The following ZNF462 variants were observed in gnomAD, a reference collection of about 807,000 sequenced individuals.
ZNF462 encodes the protein zinc finger PBX1-interacting protein.
Under a neutral mutation model 201.9 loss-of-function variants are expected in ZNF462, and 10 were observed. That is an observed-to-expected ratio of 0.05 (90% CI 0.03 to 0.08). The LOEUF is 0.08. Among genes scored for constraint, ZNF462 ranks in the 10% least tolerant of loss-of-function variants. The pLI, the probability that ZNF462 is intolerant of heterozygous loss-of-function variation, is 1.00. For missense variants in ZNF462, 2,523 were observed against 3,168.3 expected, an observed-to-expected ratio of 0.80 and a Z score of 4.89; for synonymous variants, 1,227 against 1,193.3, an observed-to-expected ratio of 1.03 and a Z score of -0.58.
chr9:106,879,343 C>A (rs907329520), intron 1 of ZNF462, among the ~76,000 whole-genome samples: 19 of 116,506 alleles, frequency 1.6e-4, no homozygotes, highest in Admixed American at 3.8e-4. Flanking sequence ...CCCCCCCCCC[C>A]ACCCCCCACC....
chr9:106,864,039 G>GCTCTCTCTCT (rs773917122), intron 1 of ZNF462, among the ~76,000 whole-genome samples: 5 of 22,750 alleles, frequency 2.2e-4, no homozygotes, highest in Non-Finnish European at 5.1e-4. Flanking sequence ...CAGGTATTTG[G>GCTCTCTCTCT]CTCTCTCTCT....
intron 7 of ZNF462, among the ~76,000 whole-genome samples, chr9:106,967,139 T>C (rs1270827487): frequency 6.6e-6 from 1 of 152,152 alleles, no homozygotes; most frequent in African/African-American, 2.4e-5. Flanking sequence ...GCCTCTTTTA[T>C]TCCTTCAATC....
rs1026426261 is a variant in ZNF462, at chr9:106,876,468, G to A, written c.-31+13113G>A. Among the ~76,000 whole-genome samples, 18 of 152,256 alleles carry A rather than the reference G, an allele frequency of 1.2e-4. No individual in the cohort carries two copies. Among genetic ancestry groups the A allele is most frequent in the Admixed American group, 9.2e-4 (14 of 15,298 alleles). On this transcript the variant is annotated intron_variant, in intron 1 of 12. Coordinates refer to ENST00000277225, the MANE Select transcript of ZNF462 (RefSeq NM_021224.6). This position sits in a 1 kb window ranked among gnomAD's most constrained non-coding sequence, Gnocchi z 4.9. ...AATCCTGCTTGTTTAATTTTGTGCT[G>A]TGTGTCCCTTTACTGATGAGTAGTC... is the stretch of plus-strand genomic sequence containing the variant.
rs1831910045 is a variant in ZNF462 at position 106,962,978 on chromosome 9, GC to G, written c.6428-9025del. 6.6e-6 allele frequency among the ~76,000 whole-genome samples: 1 copy of G among 152,004 alleles called. No homozygotes were observed. Among genetic ancestry groups the G allele is most frequent in the Non-Finnish European group, 1.5e-5 (1 of 67,968 alleles). The stretch of plus-strand genomic sequence containing the variant: ...AAGAAGGAAATAAAATAATGTGACT[GC>G]CTTTAGAGGCGTATGTTCCCCCTTA... On this transcript the variant is annotated intron_variant, in intron 7 of 12. Coordinates refer to ENST00000277225, the MANE Select transcript of ZNF462 (RefSeq NM_021224.6). The surrounding 1 kb of genome is among the most constrained non-coding windows in gnomAD (Gnocchi z 4.6).
At chr9:106,965,624 G>A (rs1832039108) in intron 7 of ZNF462, among the ~76,000 whole-genome samples, 1 of 152,032 alleles carries the variant, frequency 6.6e-6, no homozygotes, top group South Asian at 2.1e-4. Context: ...AAAGTGGTGG[G>A]CCATTTACCA....
chr9:106,951,564 T>A (rs887929594), intron 7 of ZNF462, among the ~76,000 whole-genome samples: 6 of 152,208 alleles, frequency 3.9e-5, no homozygotes, highest in African/African-American at 1.4e-4. Context: ...GTGACTCTAC[T>A]GGGACTGGCC....
Position 106,928,269 on chromosome 9 carries a change from G to A in ZNF462, c.4357G>A (p.Glu1453Lys). ...TCCAGAGGATGCAAGACTGTCCCCTGAGAAAAGCCTGCAGCTAGCTTCAGC... is the reference window on the plus strand; with the variant it reads ...TCCAGAGGATGCAAGACTGTCCCCTAAGAAAAGCCTGCAGCTAGCTTCAGC... ...ECPEDARLSP[E>K]KSLQLASANP... The change falls in exon 3 of 13, where the codon GAG becomes AAG. Residue 1453 changes from glutamate to lysine, a missense_variant. Transcript: ENST00000277225. This position sits in a 1 kb window ranked among gnomAD's most constrained non-coding sequence, Gnocchi z 9.3. The A allele has an allele frequency of 6.2e-7, 1 of 1,613,834 alleles. No individual in the cohort carries two copies. Among genetic ancestry groups the A allele is most frequent in the African/African-American group, 1.3e-5 (1 of 74,910 alleles).
chr9:106,984,060 A>C lies in ZNF462; in HGVS notation c.6833-126A>C. 1 of 800,222 alleles carries C rather than the reference A, an allele frequency of 1.2e-6. No homozygotes were observed. The highest frequency in any genetic ancestry group is 2.0e-6 in the Non-Finnish European group (1 of 503,972). The allele number at this position is 800,222 out of a possible 1,614,324, so 49.6% of individuals were successfully genotyped here. A position where few individuals can be genotyped will look rare whatever the true frequency, so the allele number is the denominator to read the frequency against. ...GGGAGGGGCAGGGTGCATGTGTGTC[A>C]GTTCAAGGAACCAGATCCACGAGGA... On this transcript the variant is annotated intron_variant, in intron 9 of 12. Transcript: ENST00000277225. This position sits in a 1 kb window ranked among gnomAD's most constrained non-coding sequence, Gnocchi z 6.4.
In ZNF462 at chr9:106,927,276, A is replaced by G. The variant is rs772099047; in HGVS notation, c.3364A>G (p.Ser1122Gly). ...ELYYCKHCSY[S>G]NRSVVGVLVH... ...TTACTACTGCAAACACTGTTCCTAC[A>G]GCAATCGGTCAGTTGTGGGAGTGCT... Residue 1122 changes from serine to glycine, a missense_variant, in exon 3 of 13, where the codon AGC becomes GGC. Physicochemically the swap from Ser to Gly is moderately conservative, Grantham distance 56. This residue lies in a region of ZNF462 where 280 missense variants were observed against 321.3 expected (regional missense o/e 0.87). Transcript: ENST00000277225. The G allele has an allele frequency of 2.5e-6, 4 of 1,608,292 alleles. No individual in the cohort carries two copies. In the Admixed American group the frequency reaches 5.1e-5, roughly 20 times the overall value.
upstream of ZNF462, among the ~76,000 whole-genome samples, chr9:106,860,787 C>T (rs1827045042): frequency 6.6e-6 from 1 of 152,152 alleles, no homozygotes; most frequent in South Asian, 2.1e-4. The surrounding 1 kb of genome is among the most constrained non-coding windows in gnomAD (Gnocchi z 7.1). Flanking sequence ...GGCCAGCGCT[C>T]AGACACCCCC....
At chr9:106,939,601 A>G (rs1187101643) in intron 7 of ZNF462, among the ~76,000 whole-genome samples, 1 of 152,208 alleles carries the variant, frequency 6.6e-6, no homozygotes, top group Non-Finnish European at 1.5e-5. Context: ...TAGGGGTGAC[A>G]TAGGGATTTC....
At position 106,939,041 on chromosome 9, in the gene ZNF462, C is replaced by G. The variant is rs1377404584; in HGVS notation, c.6361C>G (p.Leu2121Val). ...TLPRPRIVSL[L>V]SSHSHHSSQK... ...CCCCAGGCCACGGATCGTCAGTCTC[C>G]TCTCCTCACACTCCCACCACTCCTC... The change falls in exon 7 of 13, where the codon CTC (leucine) becomes GTC (valine). Residue 2121 changes from leucine to valine, a missense_variant. Transcript: ENST00000277225. 2.5e-6 allele frequency: 4 copies of G among 1,613,838 alleles called. No homozygotes were observed. Among genetic ancestry groups the G allele is most frequent in the Non-Finnish European group, 2.5e-6 (3 of 1,179,942 alleles).
In ZNF462 at chr9:106,974,301, A is replaced by T. The variant is rs1826827548; in HGVS notation, c.6832+28A>T. ...AACCTTTCTAACTTGGTTTTCTTGG[A>T]TGCAGCGGGGGGCAGGCAGCAGAGA... On this transcript the variant is annotated intron_variant, in intron 9 of 12. Coordinates refer to ENST00000277225, the MANE Select transcript of ZNF462 (RefSeq NM_021224.6). This position sits in a 1 kb window ranked among gnomAD's most constrained non-coding sequence, Gnocchi z 4.0. 1 of 1,613,886 alleles carries T rather than the reference A, an allele frequency of 6.2e-7. No homozygotes were observed. The highest frequency in any genetic ancestry group is 1.3e-5 in the African/African-American group (1 of 74,930).
At chr9:106,985,635 A>C (rs938159621) in intron 10 of ZNF462, among the ~76,000 whole-genome samples, 2 of 152,240 alleles carry the variant, frequency 1.3e-5, no homozygotes, top group African/African-American at 4.8e-5. Flanking sequence ...CTGAAGGCAC[A>C]AGGAGAAGCA....
At chr9:106,894,993 T>C (rs1828750217) in intron 1 of ZNF462, among the ~76,000 whole-genome samples, 1 of 152,186 alleles carries the variant, frequency 6.6e-6, no homozygotes. Context: ...TTTTTTAATC[T>C]GACGCTGCTG....
chr9:106,861,310 C>T (rs1827060178), upstream of ZNF462, among the ~76,000 whole-genome samples: 1 of 152,060 alleles, frequency 6.6e-6, no homozygotes, highest in African/African-American at 2.4e-5. Flanking sequence ...ACCAACTCCG[C>T]GCGCGTCTCC....
chr9:106,992,370 A>T (rs905683720), intron 10 of ZNF462, among the ~76,000 whole-genome samples: 4 of 152,114 alleles, frequency 2.6e-5, no homozygotes, highest in African/African-American at 9.7e-5. Flanking sequence ...TATGTAGACA[A>T]ACTGGAATCT....
intron 10 of ZNF462, among the ~76,000 whole-genome samples, chr9:107,000,303 G>A (rs1313615225): frequency 6.6e-6 from 1 of 151,748 alleles, no homozygotes; most frequent in East Asian, 2.0e-4. Flanking sequence ...TCATCCTCAG[G>A]GCAAGCAGAG....
chr9:106,984,692 C>T lies in ZNF462; in HGVS notation c.7056+283C>T, dbSNP rs544817290. On this transcript the variant is annotated intron_variant, in intron 10 of 12. Coordinates refer to ENST00000277225, the MANE Select transcript of ZNF462 (RefSeq NM_021224.6). The surrounding 1 kb of genome is among the most constrained non-coding windows in gnomAD (Gnocchi z 6.4). ...TCTAGACCCACTTTCATTTGTTTTA[C>T]GTAATTGTGATTATACTATACATAA... is the stretch of plus-strand genomic sequence containing the variant. Among the ~76,000 whole-genome samples the T allele has an allele frequency of 1.4e-4, 22 of 152,210 alleles. No individual in the cohort carries two copies. Among genetic ancestry groups the T allele is most frequent in the African/African-American group, 4.8e-4 (20 of 41,540 alleles).
Sources: allele counts gnomAD v4.1 joint callset (sites outside exome capture counted in the v4.1 genomes callset), GRCh38; gene constraint gnomAD v4.1.1; regional missense constraint gnomAD v4.1.1; non-coding constraint Gnocchi (gnomAD v3.1); transcripts MANE v1.5; gene names NCBI Gene and HGNC (gene_info 2026-07-23, HGNC 2026-07-21).